The following SEL1L2 variants were observed in gnomAD, a reference collection of about 807,000 sequenced individuals.
The protein encoded by SEL1L2 is SEL1L2 adaptor subunit of SYVN1 ubiquitin ligase, also known as protein sel-1 homolog 2.
A neutral mutation model predicts 98.8 loss-of-function variants in SEL1L2; 89 were observed. That is an observed-to-expected ratio of 0.90 (90% CI 0.76 to 1.07). The LOEUF (loss-of-function observed/expected upper bound fraction) is 1.07, where lower values mean the gene tolerates loss of function less well. Ranked by LOEUF, SEL1L2 falls within the 50% of genes least tolerant of loss-of-function variation. The pLI, the probability that SEL1L2 is intolerant of heterozygous loss-of-function variation, is 0.00. For synonymous variants in SEL1L2, 262 were observed against 278.5 expected (o/e 0.94, Z 0.59); for missense variants, 788 against 812.0 (o/e 0.97, Z 0.36).
At chr20:13,904,505 G>GT in intron 5 of SEL1L2, among the ~76,000 whole-genome samples, 1 of 152,204 alleles carries the variant, frequency 6.6e-6, no homozygotes, top group South Asian at 2.1e-4. Context: ...TCCAGCCTGG[G>GT]TGACAGAGCA....
chr20:13,910,904 T>C (rs573256474), intron 5 of SEL1L2, among the ~76,000 whole-genome samples: 1 of 152,372 alleles, frequency 6.6e-6, no homozygotes, highest in East Asian at 1.9e-4. Context: ...CCACGTTAAC[T>C]AGAGTGAAAC....
intron 3 of SEL1L2, among the ~76,000 whole-genome samples, chr20:13,925,492 C>T (rs939640479): frequency 6.6e-6 from 1 of 152,180 alleles, no homozygotes; most frequent in Non-Finnish European, 1.5e-5. Context: ...CCTACGATGG[C>T]GGGTGGTGAT....
chr20:13,972,429 G>A (rs908732255), intron 1 of SEL1L2, among the ~76,000 whole-genome samples: 3 of 152,114 alleles, frequency 2.0e-5, no homozygotes, highest in Non-Finnish European at 4.4e-5. Flanking sequence ...CTCTGTGATT[G>A]TTGTATTTCT....
At chr20:13,931,298 G>C (rs1470945319) in intron 3 of SEL1L2, among the ~76,000 whole-genome samples, 4 of 151,990 alleles carry the variant, frequency 2.6e-5, no homozygotes, top group Non-Finnish European at 5.9e-5. Context: ...CCAAAGTGCT[G>C]GGATTACAGG....
Position 13,849,282 on chromosome 20 carries a change from G to A in SEL1L2, c.*203C>T. On this transcript the variant is annotated 3_prime_UTR_variant, in exon 20 of 20. Transcript: ENST00000284951. ...CAAGGTCTTAGGTGACCAGTTCCCA[G>A]CATCCCGCAAAGGGTTTTCTCTACT... 1.8e-6 allele frequency: 1 copy of A among 557,242 alleles called. No individual in the cohort carries two copies. The allele number at this position is 557,242 out of a possible 1,614,324, so 34.5% of individuals were successfully genotyped here.
chr20:13,854,057 A>T lies in SEL1L2; in HGVS notation c.1819-3738T>A, dbSNP rs144698982. Among the ~76,000 whole-genome samples, 223 of 152,322 alleles carry T rather than the reference A, an allele frequency of 1.5e-3. 2 individuals are homozygous for T. Among genetic ancestry groups the T allele is most frequent in the African/African-American group, 5.2e-3 (215 of 41,570 alleles). ...CATTTTAAATACCTAATTTTAACTT[A>T]TCCTTTCCAGAAAATAATTCTGGTG... On this transcript the variant is annotated intron_variant, in intron 18 of 19. Transcript: ENST00000284951.
intron 2 of SEL1L2, among the ~76,000 whole-genome samples, chr20:13,935,828 A>T (rs2049425798): frequency 6.6e-6 from 1 of 152,168 alleles, no homozygotes; most frequent in African/African-American, 2.4e-5. Context: ...TGGGGAAAAG[A>T]GGCCAACTGA....
intron 5 of SEL1L2, among the ~76,000 whole-genome samples, chr20:13,898,340 C>T (rs1035249255): frequency 6.6e-6 from 1 of 152,134 alleles, no homozygotes; most frequent in African/African-American, 2.4e-5. Flanking sequence ...AAACTTCAGA[C>T]TTTGAGACAC....
intron 5 of SEL1L2, among the ~76,000 whole-genome samples, chr20:13,911,457 A>T (rs1426770564): frequency 6.6e-6 from 1 of 152,216 alleles, no homozygotes; most frequent in East Asian, 1.9e-4. Flanking sequence ...GGAAACTGTT[A>T]TCTGTGGTAA....
At chr20:13,941,465 T>G (rs2049773178) in intron 2 of SEL1L2, among the ~76,000 whole-genome samples, 1 of 152,208 alleles carries the variant, frequency 6.6e-6, no homozygotes, top group African/African-American at 2.4e-5. Context: ...TGAGTTTTTG[T>G]CTTTCAAGTG....
Position 13,887,816 on chromosome 20 carries a change from T to A in SEL1L2, c.698A>T (p.Gln233Leu). 1 of 1,613,510 alleles carries A rather than the reference T, an allele frequency of 6.2e-7. No homozygotes were observed. Among genetic ancestry groups the A allele is most frequent in the Non-Finnish European group, 8.5e-7 (1 of 1,179,564 alleles). Residue 233 changes from glutamine (Q) to leucine (L), a missense_variant, in exon 8 of 20, where the codon CAG becomes CTG. By Grantham distance (113) the Gln-to-Leu change is moderately radical. Transcript: ENST00000284951. ...ATAACTTAGGGCAACTTCACAATTC[T>A]GTAGAACATTGATTCCCGACAAATA... ...YRYLSGINVL[Q>L]NCEVALSYYK...
intron 5 of SEL1L2, among the ~76,000 whole-genome samples, chr20:13,901,882 C>CA (rs979762617): frequency 5.9e-5 from 9 of 152,018 alleles, no homozygotes; most frequent in Non-Finnish European, 1.2e-4. Context: ...AGGCTGGTCT[C>CA]AAACTCCTGA....
chr20:13,865,349 T>A lies in SEL1L2; in HGVS notation c.1570A>T (p.Lys524Ter), dbSNP rs753583031. Residue 524 changes from lysine to a stop codon, truncating the protein, a stop_gained and splice_region_variant, in exon 16 of 20, where the codon AAA becomes TAA. Transcript: ENST00000284951. LOFTEE classifies it high-confidence loss of function. ...QSNSAFILES[K>*]KANILEKEKM... ...TGCAGAGAATTTTAACTCATCTTAC[T>A]AGATTCCAAAATGAATGCTGAATTG... 6 of 1,613,842 alleles carry A rather than the reference T, an allele frequency of 3.7e-6. No homozygotes were observed. In the African/African-American group the frequency reaches 8.0e-5, roughly 22 times the overall value.
chr20:13,962,792 A>G (rs1412997240), intron 1 of SEL1L2, among the ~76,000 whole-genome samples: 1 of 152,210 alleles, frequency 6.6e-6, no homozygotes, highest in African/African-American at 2.4e-5. Context: ...TCGACCAGGC[A>G]CAATGGCTCA....
chr20:13,937,459 A>G (rs1600830413), intron 2 of SEL1L2, among the ~76,000 whole-genome samples: 1 of 152,184 alleles, frequency 6.6e-6, no homozygotes, highest in African/African-American at 2.4e-5. Flanking sequence ...CCAGGAAACA[A>G]TCTAGGAGGT....
intron 5 of SEL1L2, among the ~76,000 whole-genome samples, chr20:13,891,974 C>T (rs2047224421): frequency 6.6e-6 from 1 of 152,056 alleles, no homozygotes; most frequent in Non-Finnish European, 1.5e-5. Context: ...TAAATCAATT[C>T]TGGTATACAA....
intron 2 of SEL1L2, among the ~76,000 whole-genome samples, chr20:13,937,548 T>A (rs942263600): frequency 6.6e-6 from 1 of 152,222 alleles, no homozygotes; most frequent in Non-Finnish European, 1.5e-5. Context: ...AACCCTGCTC[T>A]ACTCACCCTT....
chr20:13,898,273 CA>C (rs2047510378), intron 5 of SEL1L2, among the ~76,000 whole-genome samples: 1 of 152,122 alleles, frequency 6.6e-6, no homozygotes, highest in East Asian at 1.9e-4. Flanking sequence ...GCAGATAGCC[CA>C]TCCCCTGACC....
intron 5 of SEL1L2, among the ~76,000 whole-genome samples, chr20:13,908,492 T>C (rs148938737): frequency 2.4e-4 from 36 of 152,344 alleles, no homozygotes; most frequent in African/African-American, 8.4e-4. Context: ...AAATTTCCTA[T>C]TGAGGACAGT....
Sources: gnomAD v4.1 joint callset for allele counts (sites outside exome capture counted in the v4.1 genomes callset) on GRCh38, gnomAD v4.1.1 for gene constraint, MANE v1.5 for transcripts, NCBI Gene and HGNC (gene_info 2026-07-23, HGNC 2026-07-21) for gene names.